The following SNTB1 variants were observed in gnomAD, a reference collection of about 807,000 sequenced individuals.
SNTB1 encodes beta-1-syntrophin.
In SNTB1, 36 loss-of-function variants were observed where a neutral mutation model predicts 48.9. The ratio of observed to expected loss-of-function variants is 0.74; its 90% CI spans 0.56 to 0.97. The LOEUF (loss-of-function observed/expected upper bound fraction) is 0.97. SNTB1 is among the 50% of genes least tolerant of loss of function. The probability of loss-of-function intolerance (pLI) is 0.00; values close to 1 mark genes in which losing one functional copy is unlikely to be tolerated. For synonymous variants in SNTB1, 299 were observed against 294.6 expected (o/e 1.01, Z -0.15); for missense variants, 786 against 703.4 (o/e 1.12, Z -1.33).
chr8:120,542,037 A>G (rs1206699861), intron 5 of SNTB1, 37 bp from the exon 6 acceptor site: 1 of 1,539,762 alleles, frequency 6.5e-7, no homozygotes, highest in Non-Finnish European at 8.9e-7. Context: ...GACAAGTATG[A>G]ACCATGGCAA....
intron 1 of SNTB1, among the ~76,000 whole-genome samples, chr8:120,752,308 T>C (rs1471935826): frequency 6.6e-6 from 1 of 152,122 alleles, no homozygotes; most frequent in Non-Finnish European, 1.5e-5. Context: ...GTTTCATACC[T>C]ATTATATATG....
At chr8:120,555,813 T>C (rs1815557261) in intron 4 of SNTB1, among the ~76,000 whole-genome samples, 1 of 152,042 alleles carries the variant, frequency 6.6e-6, no homozygotes, top group South Asian at 2.1e-4. Flanking sequence ...CGTGTTCTTA[T>C]AAGAAGAGGA....
chr8:120,764,076 A>T (rs1819474751), intron 1 of SNTB1, among the ~76,000 whole-genome samples: 1 of 152,216 alleles, frequency 6.6e-6, no homozygotes. Context: ...ATAAATTCTA[A>T]TTCTTGGAGT....
chr8:120,785,554 T>C (rs1435197325), intron 1 of SNTB1, among the ~76,000 whole-genome samples: 1 of 152,254 alleles, frequency 6.6e-6, no homozygotes, highest in African/African-American at 2.4e-5. Flanking sequence ...AACTGCCCTC[T>C]GATCCCCATT....
In SNTB1 at chr8:120,571,031, A is replaced by G. The variant is rs185810816; in HGVS notation, c.1136+4055T>C. On this transcript the variant is annotated intron_variant, in intron 4 of 6. Coordinates refer to ENST00000517992, the MANE Select transcript of SNTB1 (RefSeq NM_021021.4). ...AAGTTTGAATTTTTTTCACCTCTTTATCCCTTGTCCCAATTATAACTCCTG... is the reference window on the plus strand; with the variant it reads ...AAGTTTGAATTTTTTTCACCTCTTTGTCCCTTGTCCCAATTATAACTCCTG... 1.3e-3 allele frequency: 503 copies of G among 375,766 alleles called. 2 individuals carry two copies. The highest frequency in any genetic ancestry group is 2.1e-3 in the South Asian group (58 of 27,850). The allele number at this position is 375,766 out of a possible 1,614,324, so 23.3% of individuals were successfully genotyped here. A position where few individuals can be genotyped will look rare whatever the true frequency, so the allele number is the denominator to read the frequency against.
At chr8:120,689,581 G>C (rs1039729813) in intron 2 of SNTB1, among the ~76,000 whole-genome samples, 12 of 151,936 alleles carry the variant, frequency 7.9e-5, no homozygotes, top group Non-Finnish European at 1.5e-5. Context: ...TTCCACTGTG[G>C]GTCTAGCTGA....
chr8:120,574,347 G>T (rs1266783353), intron 4 of SNTB1, among the ~76,000 whole-genome samples: 2 of 152,188 alleles, frequency 1.3e-5, no homozygotes, highest in Non-Finnish European at 2.9e-5. Flanking sequence ...TGCTAAGAGG[G>T]TAGATCTTAT....
intron 3 of SNTB1, 151 bp from the exon 4 acceptor site, chr8:120,575,376 C>G: frequency 1.2e-6 from 1 of 841,082 alleles, no homozygotes. Context: ...TTGTCTTTAT[C>G]CCATGCTTCC....
chr8:120,584,540 G>C (rs549073352), intron 3 of SNTB1, among the ~76,000 whole-genome samples: 86 of 150,648 alleles, frequency 5.7e-4, no homozygotes, highest in Non-Finnish European at 1.0e-3. Flanking sequence ...GTCATTTAAA[G>C]CTGGTGGTTT....
rs114663424 is a variant in SNTB1 at position 120,565,742 on chromosome 8, C to T, written c.1136+9344G>A. Among the ~76,000 whole-genome samples, 931 of 152,312 alleles carry T rather than the reference C, an allele frequency of 6.1e-3. 9 individuals are homozygous for T. The highest frequency in any genetic ancestry group is 0.021 in the African/African-American group (894 of 41,582). On this transcript the variant is annotated intron_variant, in intron 4 of 6. Transcript: ENST00000517992. Reference sequence around the variant, plus strand: ...AAGAACCACGGGGTAAGAAGAACCACATAGTTGCTGTGGAGTTCCCCACCC... The same window carrying T: ...AAGAACCACGGGGTAAGAAGAACCATATAGTTGCTGTGGAGTTCCCCACCC...
At chr8:120,618,836 A>G (rs2130739096) in intron 3 of SNTB1, among the ~76,000 whole-genome samples, 1 of 152,292 alleles carries the variant, frequency 6.6e-6, no homozygotes, top group African/African-American at 2.4e-5. Flanking sequence ...AGGGTGGAAA[A>G]TCTAGAGCTG....
At chr8:120,673,687 C>T (rs968777888) in intron 2 of SNTB1, among the ~76,000 whole-genome samples, 2 of 151,932 alleles carry the variant, frequency 1.3e-5, no homozygotes, top group Non-Finnish European at 2.9e-5. Context: ...TGTTTCAGGG[C>T]CTCTTGCTCT....
intron 1 of SNTB1, among the ~76,000 whole-genome samples, chr8:120,696,824 GAT>G (rs1222656490): frequency 2.0e-5 from 3 of 152,140 alleles, no homozygotes; most frequent in African/African-American, 7.2e-5. Context: ...ATTTCCCAGA[GAT>G]AATATTTTCT....
chr8:120,646,440 T>C (rs1009675973), intron 2 of SNTB1, among the ~76,000 whole-genome samples: 8 of 150,772 alleles, frequency 5.3e-5, no homozygotes, highest in Non-Finnish European at 7.4e-5. Flanking sequence ...TTTTTGTCTT[T>C]GGCTCTGTTT....
intron 6 of SNTB1, 44 bp from the exon 7 acceptor site, chr8:120,539,013 G>T: frequency 6.8e-7 from 1 of 1,464,434 alleles, no homozygotes; most frequent in Non-Finnish European, 9.4e-7. Context: ...TTAAATTAAT[G>T]CTTGATGTAG....
chr8:120,764,998 G>T (rs1026909877), intron 1 of SNTB1, among the ~76,000 whole-genome samples: 6 of 152,220 alleles, frequency 3.9e-5, no homozygotes, highest in South Asian at 4.1e-4. Flanking sequence ...GGCCGAGGTG[G>T]GCGGATCACC....
chr8:120,563,880 C>T (rs996271638), intron 4 of SNTB1, among the ~76,000 whole-genome samples: 8 of 151,930 alleles, frequency 5.3e-5, no homozygotes, highest in African/African-American at 1.2e-4. Flanking sequence ...GAGGCCAAGG[C>T]GAGTGGATCA....
intron 3 of SNTB1, among the ~76,000 whole-genome samples, chr8:120,617,412 C>T: frequency 6.6e-6 from 1 of 152,154 alleles, no homozygotes; most frequent in Non-Finnish European, 1.5e-5. Flanking sequence ...ATACATAAAG[C>T]TCTAGGCTAT....
At chr8:120,676,209 C>G (rs1272529403) in intron 2 of SNTB1, among the ~76,000 whole-genome samples, 1 of 152,190 alleles carries the variant, frequency 6.6e-6, no homozygotes, top group Non-Finnish European at 1.5e-5. Flanking sequence ...AAAATGAACT[C>G]TACAATAAAT....
Sources: gnomAD v4.1 joint callset for allele counts (sites outside exome capture counted in the v4.1 genomes callset) on GRCh38, gnomAD v4.1.1 for gene constraint, MANE v1.5 for transcripts, NCBI Gene and HGNC (gene_info 2026-07-23, HGNC 2026-07-21) for gene names.